Variants in DAGLB observed in about 807,000 individuals in gnomAD.
The protein encoded by DAGLB is diacylglycerol lipase beta, also known as diacylglycerol lipase-beta.
DAGLB carries 66 observed loss-of-function variants against 72.1 expected under a neutral mutation model. The observed-to-expected ratio is 0.92, with a 90% confidence interval of 0.75 to 1.12. The LOEUF (loss-of-function observed/expected upper bound fraction) is 1.12. Among genes scored for constraint, DAGLB ranks in the 50% most tolerant of loss-of-function variants. DAGLB has a pLI of 0.00. For missense variants in DAGLB, 1,065 were observed against 884.9 expected, an observed-to-expected ratio of 1.20 and a Z score of -2.58; for synonymous variants, 414 against 359.5, an observed-to-expected ratio of 1.15 and a Z score of -1.71.
Position 6,421,726 on chromosome 7 carries a change from C to T in DAGLB, c.1218+1G>A, listed in dbSNP as rs1246416695. The T allele has an allele frequency of 1.2e-6, 2 of 1,608,660 alleles. No homozygotes were observed. Among genetic ancestry groups the T allele is most frequent in the Non-Finnish European group, 1.7e-6 (2 of 1,176,398 alleles). ...CAAGACACACGAGTCCGCGCTCATA[C>T]CTTGTGTGCCAGGCGGTCCTGCACC... On this transcript the variant is annotated splice_donor_variant, in intron 9 of 14. Coordinates refer to ENST00000297056, the MANE Select transcript of DAGLB (RefSeq NM_139179.4). LOFTEE classifies it high-confidence loss of function.
At chr7:6,437,356 T>G (rs1784698826) in intron 2 of DAGLB, among the ~76,000 whole-genome samples, 1 of 152,058 alleles carries the variant, frequency 6.6e-6, no homozygotes, top group Admixed American at 6.6e-5. Flanking sequence ...CGTAGTTCTG[T>G]AATCCCCACA....
intron 6 of DAGLB, among the ~76,000 whole-genome samples, chr7:6,427,153 A>T (rs1411053701): frequency 2.0e-5 from 3 of 152,146 alleles, no homozygotes; most frequent in African/African-American, 7.2e-5. Context: ...AATAAAAACT[A>T]AAAAAACTAC....
chr7:6,416,386 A>G, intron 11 of DAGLB: 1 of 408,934 alleles, frequency 2.4e-6, no homozygotes, highest in Non-Finnish European at 4.2e-6. Context: ...ACTACTAAAA[A>G]TACAAAAATT....
intron 6 of DAGLB, among the ~76,000 whole-genome samples, chr7:6,430,113 T>C (rs1319216394): frequency 1.3e-5 from 2 of 148,798 alleles, no homozygotes; most frequent in African/African-American, 2.5e-5. Context: ...GCTGAGCCAG[T>C]AGCACCGCTT....
intron 7 of DAGLB, 116 bp from the exon 8 acceptor site, chr7:6,424,951 G>A (rs912493424): frequency 2.7e-5 from 26 of 979,930 alleles, no homozygotes; most frequent in Non-Finnish European, 3.8e-5. Context: ...ACAGAGAGGA[G>A]GGGACACCGC....
intron 9 of DAGLB, among the ~76,000 whole-genome samples, chr7:6,418,553 G>C (rs567778020): frequency 6.6e-6 from 1 of 151,770 alleles, no homozygotes; most frequent in South Asian, 2.1e-4. Flanking sequence ...GGAGAAAAGC[G>C]GGCCTGGCCC....
intron 7 of DAGLB, among the ~76,000 whole-genome samples, chr7:6,425,562 GC>G (rs1784282934): frequency 6.6e-6 from 1 of 152,066 alleles, no homozygotes. Context: ...GAGCCACTGT[GC>G]CCGGCCCACA....
chr7:6,447,438 C>A (rs546749109), intron 1 of DAGLB, among the ~76,000 whole-genome samples: 3 of 152,192 alleles, frequency 2.0e-5, no homozygotes, highest in Admixed American at 6.5e-5. Context: ...CCTCGTGGCA[C>A]CCCAGGGCCA....
intron 7 of DAGLB, among the ~76,000 whole-genome samples, chr7:6,425,205 C>A (rs11760556): frequency 6.6e-6 from 1 of 152,128 alleles, no homozygotes; most frequent in Non-Finnish European, 1.5e-5. Context: ...CCTCCCGCTG[C>A]GGTGCCTATG....
chr7:6,429,670 A>T (rs937593277), intron 6 of DAGLB, among the ~76,000 whole-genome samples: 4 of 152,058 alleles, frequency 2.6e-5, no homozygotes, highest in Non-Finnish European at 5.9e-5. Flanking sequence ...TGGGAGGGTG[A>T]GGCAGGTGAA....
At chr7:6,437,155 AAATAATAATAATAAT>A (rs36026233) in intron 2 of DAGLB, among the ~76,000 whole-genome samples, 5 of 125,490 alleles carry the variant, frequency 4.0e-5, no homozygotes, top group Admixed American at 8.5e-5. Context: ...CTCCGTCTCA[AAATAATAATAATAAT>A]AATAATAATA....
chr7:6,432,694 G>C (rs1451341289), intron 5 of DAGLB, 143 bp downstream of exon 5: 8 of 979,648 alleles, frequency 8.2e-6, no homozygotes, highest in Non-Finnish European at 1.1e-5. Flanking sequence ...AGAGGGGAGG[G>C]AAGGGGAGGA....
intron 6 of DAGLB, among the ~76,000 whole-genome samples, chr7:6,428,405 T>C (rs894955824): frequency 6.6e-5 from 10 of 150,592 alleles, no homozygotes; most frequent in African/African-American, 2.4e-4. Flanking sequence ...CAGACAAGAA[T>C]CAATGGATGC....
intron 6 of DAGLB, 142 bp downstream of exon 6, chr7:6,430,338 C>A: frequency 4.2e-6 from 4 of 952,628 alleles, no homozygotes; most frequent in Non-Finnish European, 5.3e-6. Flanking sequence ...CGCATGTGAC[C>A]AGATGAGTCA....
At chr7:6,426,186 C>T (rs1784305273) in intron 6 of DAGLB, 72 bp from the exon 7 acceptor site, 10 of 1,595,726 alleles carry the variant, frequency 6.3e-6, no homozygotes, top group South Asian at 5.6e-5. Flanking sequence ...CTCACTGCCA[C>T]ATGTTCCCAG....
intron 13 of DAGLB, among the ~76,000 whole-genome samples, chr7:6,411,842 C>T (rs1783739364): frequency 6.6e-6 from 1 of 152,164 alleles, no homozygotes; most frequent in South Asian, 2.1e-4. Context: ...CACTCTCTGC[C>T]ATGAGTCATA....
intron 2 of DAGLB, among the ~76,000 whole-genome samples, chr7:6,443,207 C>CAA (rs542608003): frequency 1.7e-4 from 7 of 41,356 alleles, no homozygotes; most frequent in Admixed American, 1.5e-3. Flanking sequence ...AAACAAAAAA[C>CAA]AAAAAAAACA....
intron 2 of DAGLB, 23 bp from the exon 3 acceptor site, chr7:6,436,556 A>G: frequency 6.2e-7 from 1 of 1,613,628 alleles, no homozygotes; most frequent in Non-Finnish European, 8.5e-7. Flanking sequence ...AAACGTTCCG[A>G]CTGCTCAGTT....
At chr7:6,435,264 G>A (rs966041891) in intron 3 of DAGLB, among the ~76,000 whole-genome samples, 2 of 152,196 alleles carry the variant, frequency 1.3e-5, no homozygotes, top group African/African-American at 4.8e-5. Flanking sequence ...GAGGCCGGCA[G>A]ATCACGAGGT....
Sources: allele counts gnomAD v4.1 joint callset (sites outside exome capture counted in the v4.1 genomes callset), GRCh38; gene constraint gnomAD v4.1.1; transcripts MANE v1.5; gene names NCBI Gene and HGNC (gene_info 2026-07-23, HGNC 2026-07-21).